Variants in UBE3B observed in about 807,000 individuals in gnomAD.
UBE3B encodes ubiquitin-protein ligase E3B.
UBE3B carries 80 observed loss-of-function variants against 132.3 expected under a neutral mutation model. The ratio of observed to expected loss-of-function variants is 0.60; its 90% CI spans 0.50 to 0.73. UBE3B has a LOEUF of 0.73. Ranked by LOEUF, UBE3B falls within the 30% of genes least tolerant of loss-of-function variation. The pLI is 0.00. For synonymous variants in UBE3B, 487 were observed against 520.4 expected (o/e 0.94, Z 0.87); for missense variants, 1,196 against 1,362.5 (o/e 0.88, Z 1.92).
the UBE3B span, among the ~76,000 whole-genome samples, chr12:109,547,761 C>T: frequency 6.6e-6 from 1 of 152,138 alleles, no homozygotes; most frequent in African/African-American, 2.4e-5. The surrounding 1 kb of genome is among the most constrained non-coding windows in gnomAD (Gnocchi z 4.1). Context: ...TCCTGAGGCA[C>T]CCCAGGTTCC....
At chr12:109,545,873 C>G in the UBE3B span, among the ~76,000 whole-genome samples, 4 of 152,140 alleles carry the variant, frequency 2.6e-5, no homozygotes, top group Non-Finnish European at 4.4e-5. Flanking sequence ...CAGCAGCTGC[C>G]CCCCAGGCAC....
chr12:109,508,194 T>A (rs1237515016), intron 15 of UBE3B, among the ~76,000 whole-genome samples: 2 of 152,234 alleles, frequency 1.3e-5, no homozygotes, highest in African/African-American at 2.4e-5. Flanking sequence ...ACATACCTTT[T>A]AGGCACATGG....
In UBE3B at chr12:109,497,849, C is replaced by T; in HGVS notation, c.745C>T (p.Leu249=). 6.2e-7 allele frequency: 1 copy of T among 1,614,214 alleles called. No homozygotes were observed. The highest frequency in any genetic ancestry group is 8.5e-7 in the Non-Finnish European group (1 of 1,180,046). Residue 249 remains leucine (L), a synonymous_variant, in exon 10 of 28, where the codon CTG becomes TTG. Coordinates refer to ENST00000342494, the MANE Select transcript of UBE3B (RefSeq NM_130466.4). ...PVIAAQFSDN[L]IRPFLIHIMS... ...GATTGCTGCACAGTTCTCAGACAATCTGATTCGGCCGTTCCTCATCCACAT... is the reference window on the plus strand; with the variant it reads ...GATTGCTGCACAGTTCTCAGACAATTTGATTCGGCCGTTCCTCATCCACAT...
In UBE3B at chr12:109,524,118, G is replaced by A. The variant is rs1209626435; in HGVS notation, c.2502+3G>A. The A allele has an allele frequency of 6.2e-7, 1 of 1,614,086 alleles. No individual in the cohort carries two copies. Among genetic ancestry groups the A allele is most frequent in the South Asian group, 1.1e-5 (1 of 91,076 alleles). On this transcript the variant is annotated splice_donor_region_variant and intron_variant, in intron 22 of 27. Transcript: ENST00000342494. ...ATAAAAACCTCACCTCCATCAAGGT[G>A]AGCATGGAATGGTGGGTGAGCTAAG...
chr12:109,524,057 C>T lies in UBE3B; in HGVS notation c.2444C>T (p.Ser815Leu), dbSNP rs767896553. The change falls in exon 22 of 28, where the codon TCG (serine) becomes TTG (leucine). Residue 815 changes from serine to leucine, a missense_variant. Coordinates refer to ENST00000342494, the MANE Select transcript of UBE3B (RefSeq NM_130466.4). ...CACCACCACAGCGTCTTCTATAGCT[C>T]GGTGGATGAACTGCCTTCTCTGGAC... is the stretch of plus-strand genomic sequence containing the variant. The part of the protein sequence containing the change: ...LGHHHSVFYS[S>L]VDELPSLDSE... 14 of 1,614,100 alleles carry T rather than the reference C, an allele frequency of 8.7e-6. No homozygotes were observed. The highest frequency in any genetic ancestry group is 2.2e-5 in the East Asian group (1 of 44,892).
At position 109,507,698 on chromosome 12, in the gene UBE3B, C is replaced by T. The variant is rs1267762999; in HGVS notation, c.1585C>T (p.Leu529=). ...TEESKQLLAM[L]MLFCDCSRHL... ...AGAGTCCAAGCAACTCTTGGCCATG[C>T]TGATGCTGTTCTGTGACTGTTCGCG... The change falls in exon 15 of 28, where the codon CTG becomes TTG. Residue 529 remains leucine (L), a synonymous_variant. Coordinates refer to ENST00000342494, the MANE Select transcript of UBE3B (RefSeq NM_130466.4). The T allele has an allele frequency of 6.2e-7, 1 of 1,614,120 alleles. No homozygotes were observed. Among genetic ancestry groups the T allele is most frequent in the Non-Finnish European group, 8.5e-7 (1 of 1,180,018 alleles).
chr12:109,485,911 A>G, intron 4 of UBE3B, 101 bp from the exon 5 acceptor site: 3 of 1,270,930 alleles, frequency 2.4e-6, no homozygotes, highest in South Asian at 1.3e-5. Context: ...CACCTGGCAT[A>G]ATACCTGCAC....
downstream of UBE3B, among the ~76,000 whole-genome samples, chr12:109,540,517 C>T (rs979464721): frequency 6.6e-6 from 1 of 152,128 alleles, no homozygotes; most frequent in Non-Finnish European, 1.5e-5. Context: ...ACCGGGCCCC[C>T]TATGTGCAGG....
At chr12:109,486,597 A>AAAAAAAAC in intron 6 of UBE3B, 22 bp downstream of exon 6, 1 of 1,454,534 alleles carries the variant, frequency 6.9e-7, no homozygotes, top group Non-Finnish European at 9.4e-7. Context: ...AAAAAAAAAA[A>AAAAAAAAC]AAAAAAGCAA....
At chr12:109,523,827 G>A (rs1881985945) in intron 21 of UBE3B, 151 bp from the exon 22 acceptor site, 1 of 1,076,520 alleles carries the variant, frequency 9.3e-7, no homozygotes, top group Admixed American at 2.1e-5. Flanking sequence ...GGTAGAGGAT[G>A]GGGAGATACT....
At position 109,526,395 on chromosome 12, in the gene UBE3B, T is replaced by C. The variant is rs1335103889; in HGVS notation, c.2606T>C (p.Ile869Thr). 1 of 1,614,176 alleles carries C rather than the reference T, an allele frequency of 6.2e-7. No individual in the cohort carries two copies. Among genetic ancestry groups the C allele is most frequent in the Admixed American group, 1.7e-5 (1 of 60,022 alleles). The change falls in exon 24 of 28, where the codon ATT (isoleucine) becomes ACT (threonine). Residue 869 changes from isoleucine to threonine, a missense_variant. Ile to Thr is a moderately conservative substitution (Grantham distance 89, BLOSUM62 -1). Transcript: ENST00000342494. Reference sequence around the variant, plus strand: ...GAACTGATTCCTGGAGGGAAGACCATTCCTGTTACAAATGAAAATAAGTGA... The same window carrying C: ...GAACTGATTCCTGGAGGGAAGACCACTCCTGTTACAAATGAAAATAAGTGA... Reference protein sequence around the residue: ...CHELIPGGKTIPVTNENKISY... With the variant: ...CHELIPGGKTTPVTNENKISY...
rs374046452 is a variant in UBE3B at position 109,534,657 on chromosome 12, G to A, written c.3082G>A (p.Gly1028Ser). ...CACCATCCGCAAGCGGGAGCCAGGCGGCCGCCTGCCCACCTCCTCCACCTG... is the reference window on the plus strand; with the variant it reads ...CACCATCCGCAAGCGGGAGCCAGGCAGCCGCCTGCCCACCTCCTCCACCTG... Reference protein sequence around the residue: ...FFTIRKREPGGRLPTSSTCFN... With the variant: ...FFTIRKREPGSRLPTSSTCFN... The change falls in exon 28 of 28, where the codon GGC (glycine) becomes AGC (serine). Residue 1028 changes from glycine (G) to serine (S), a missense_variant. Transcript: ENST00000342494. The surrounding 1 kb of genome is among the most constrained non-coding windows in gnomAD (Gnocchi z 5.2). The A allele has an allele frequency of 4.0e-5, 64 of 1,611,608 alleles. No homozygotes were observed. The highest frequency in any genetic ancestry group is 5.3e-5 in the African/African-American group (4 of 74,784).
chr12:109,498,270 A>G lies in UBE3B; in HGVS notation c.857A>G (p.Lys286Arg), dbSNP rs1878494891. Residue 286 changes from lysine (K) to arginine (R), a missense_variant, in exon 11 of 28, where the codon AAA (lysine) becomes AGA (arginine). Physicochemically the swap from Lys to Arg is conservative, Grantham distance 26. Coordinates refer to ENST00000342494, the MANE Select transcript of UBE3B (RefSeq NM_130466.4). ...TVLESHDMLR[K>R]FIIFLRDQDR... ...TTAGAATCCCATGACATGCTTCGTAAATTCATCATATTTTTAAGAGACCAA... is the reference window on the plus strand; with the variant it reads ...TTAGAATCCCATGACATGCTTCGTAGATTCATCATATTTTTAAGAGACCAA... The G allele has an allele frequency of 6.2e-7, 1 of 1,613,952 alleles. No homozygotes were observed. The highest frequency in any genetic ancestry group is 8.5e-7 in the Non-Finnish European group (1 of 1,179,998).
At chr12:109,498,511 GT>G (rs1482092431) in intron 11 of UBE3B, among the ~76,000 whole-genome samples, 158 bp downstream of exon 11, 3 of 152,170 alleles carry the variant, frequency 2.0e-5, no homozygotes, top group African/African-American at 7.2e-5. Flanking sequence ...AAATAGACAT[GT>G]AAATAAAAAT....
At chr12:109,493,412 G>A (rs1877746057) in intron 9 of UBE3B, among the ~76,000 whole-genome samples, 1 of 152,202 alleles carries the variant, frequency 6.6e-6, no homozygotes, top group Non-Finnish European at 1.5e-5. Context: ...CTGTCCTGGT[G>A]TGGTTGTAAT....
chr12:109,498,367 G>C lies in UBE3B; in HGVS notation c.940+14G>C, dbSNP rs1241649797. 8 of 1,611,422 alleles carry C rather than the reference G, an allele frequency of 5.0e-6. No individual in the cohort carries two copies. The highest frequency in any genetic ancestry group is 1.3e-5 in the African/African-American group (1 of 74,890). On this transcript the variant is annotated intron_variant, in intron 11 of 27. Transcript: ENST00000342494. ...TTTGTCTAATGGGTAAGTATCCGTG[G>C]CTGGAACTTGATTGTGTCCTGGCCA...
rs1382244961 is a variant in UBE3B at position 109,477,996 on chromosome 12, G to A, written c.-241G>A. 1 of 152,498 alleles carries A rather than the reference G, an allele frequency of 6.6e-6. No homozygotes were observed. 9.4% of individuals were successfully genotyped at this position (152,498 alleles called of 1,614,324 possible). On this transcript the variant is annotated 5_prime_UTR_variant, in exon 1 of 28. Transcript: ENST00000342494. ...TTGGGGACGGTAGGCCTTTATAAACGGACTAATGCTGGGTGATTTGTTCCT... is the reference window on the plus strand; with the variant it reads ...TTGGGGACGGTAGGCCTTTATAAACAGACTAATGCTGGGTGATTTGTTCCT...
At position 109,477,922 on chromosome 12, in the gene UBE3B, G is replaced by T. The variant is rs1045582; in HGVS notation, c.-315G>T. On this transcript the variant is annotated 5_prime_UTR_variant, in exon 1 of 28. Transcript: ENST00000342494. ...GGAGGAACAAGTGCTGGGATCTGGC[G>T]TGTGTGCTCCAGGGGCTCTTTCCGC... is the stretch of plus-strand genomic sequence containing the variant. The T allele has an allele frequency of 0.17, 26,145 of 153,444 alleles. 2,288 individuals carry two copies. Among genetic ancestry groups the T allele is most frequent in the African/African-American group, 0.19 (7,844 of 41,532 alleles). The allele number at this position is 153,444 out of a possible 1,614,324, so 9.5% of individuals were successfully genotyped here.
At chr12:109,540,509 C>T (rs998182646), downstream of UBE3B, among the ~76,000 whole-genome samples, 1 of 152,208 alleles carries the variant, frequency 6.6e-6, no homozygotes. Context: ...TTCACTGCAC[C>T]GGGCCCCCTA....
Sources: gnomAD v4.1 joint callset for allele counts (sites outside exome capture counted in the v4.1 genomes callset) on GRCh38, gnomAD v4.1.1 for gene constraint, Gnocchi (gnomAD v3.1) non-coding constraint, MANE v1.5 for transcripts, NCBI Gene and HGNC (gene_info 2026-07-23, HGNC 2026-07-21) for gene names.